Variants in NBEA observed in about 807,000 individuals in gnomAD.
The protein encoded by NBEA is lysosomal-trafficking regulator 2.
In NBEA, 44 loss-of-function variants were observed where a neutral mutation model predicts 343.4. The ratio of observed to expected loss-of-function variants is 0.13; its 90% confidence interval spans 0.10 to 0.16. NBEA has a LOEUF of 0.16. NBEA is among the 10% of genes least tolerant of loss of function. The probability of loss-of-function intolerance (pLI) is 1.00; values close to 1 mark genes in which losing one functional copy is unlikely to be tolerated. For synonymous variants in NBEA, 1,175 were observed against 1,238.7 expected, an observed-to-expected ratio of 0.95 and a Z score of 1.08; for missense variants, 2,555 against 3,631.3, an observed-to-expected ratio of 0.70 and a Z score of 7.62.
chr13:35,466,665 C>T (rs1053228195), intron 40 of NBEA, among the ~76,000 whole-genome samples: 2 of 152,036 alleles, frequency 1.3e-5, no homozygotes, highest in African/African-American at 4.8e-5. Flanking sequence ...GATGAGATCT[C>T]GCTATATTGC....
chr13:34,951,511 T>C (rs1052022492), intron 1 of NBEA, among the ~76,000 whole-genome samples: 1 of 152,234 alleles, frequency 6.6e-6, no homozygotes, highest in African/African-American at 2.4e-5. Context: ...TGATCTGTCC[T>C]ATTTTAGCTT....
chr13:35,052,858 C>A (rs1249281209), intron 6 of NBEA, among the ~76,000 whole-genome samples: 1 of 151,930 alleles, frequency 6.6e-6, no homozygotes, highest in African/African-American at 2.4e-5. Context: ...CAAAAGCAAA[C>A]CTTGATAAAC....
chr13:35,458,968 G>A (rs999896411), intron 40 of NBEA, among the ~76,000 whole-genome samples: 5 of 143,580 alleles, frequency 3.5e-5, no homozygotes, highest in Admixed American at 2.2e-4. Flanking sequence ...TTTAATTTGG[G>A]TTTTTCATAA....
At chr13:34,994,001 C>T (rs2060849728) in intron 1 of NBEA, among the ~76,000 whole-genome samples, 1 of 151,714 alleles carries the variant, frequency 6.6e-6, no homozygotes, top group Non-Finnish European at 1.5e-5. Context: ...AGCTCAAGAC[C>T]AGACTAGCCA....
At chr13:35,433,235 T>C (rs1371797388) in intron 39 of NBEA, among the ~76,000 whole-genome samples, 1 of 152,138 alleles carries the variant, frequency 6.6e-6, no homozygotes, top group Non-Finnish European at 1.5e-5. Context: ...TGCCCATTTT[T>C]AAATGCTGTA....
chr13:35,417,066 T>G (rs1299142288), intron 38 of NBEA, among the ~76,000 whole-genome samples: 1 of 152,204 alleles, frequency 6.6e-6, no homozygotes, highest in Non-Finnish European at 1.5e-5. Context: ...TGTATTTCTG[T>G]GGAAACGGTG....
intron 40 of NBEA, among the ~76,000 whole-genome samples, chr13:35,467,711 C>G (rs1183833103): frequency 6.6e-6 from 1 of 152,046 alleles, no homozygotes; most frequent in African/African-American, 2.4e-5. Context: ...AATAATTCTA[C>G]TAAGATTAGT....
At chr13:35,481,920 G>A (rs889909728) in intron 41 of NBEA, among the ~76,000 whole-genome samples, 3 of 151,668 alleles carry the variant, frequency 2.0e-5, no homozygotes, top group Non-Finnish European at 1.5e-5. Flanking sequence ...AATCAGAATC[G>A]ATTAGTGTCT....
At chr13:35,081,647 CTT>C (rs1158589046) in intron 10 of NBEA, among the ~76,000 whole-genome samples, 2 of 151,738 alleles carry the variant, frequency 1.3e-5, no homozygotes, top group African/African-American at 4.8e-5. Context: ...GTTTGCATAA[CTT>C]TTTATTTTTT....
At chr13:35,330,017 G>T (rs1357490908) in intron 36 of NBEA, among the ~76,000 whole-genome samples, 1 of 151,908 alleles carries the variant, frequency 6.6e-6, no homozygotes, top group East Asian at 1.9e-4. Context: ...GTAAATTATT[G>T]TTCAGTAGAT....
intron 39 of NBEA, among the ~76,000 whole-genome samples, chr13:35,449,506 A>G (rs2046198950): frequency 6.6e-6 from 1 of 152,262 alleles, no homozygotes; most frequent in Non-Finnish European, 1.5e-5. Context: ...GGCAAAGTCC[A>G]GAAATATAGC....
intron 10 of NBEA, among the ~76,000 whole-genome samples, chr13:35,073,417 C>G (rs2063962659): frequency 1.3e-5 from 2 of 152,090 alleles, no homozygotes; most frequent in South Asian, 4.1e-4. Context: ...GCAATACTGT[C>G]TAATTTTTAA....
chr13:35,471,998 CT>C (rs1419816147), intron 40 of NBEA, among the ~76,000 whole-genome samples: 3 of 152,132 alleles, frequency 2.0e-5, no homozygotes, highest in Admixed American at 6.5e-5. Context: ...AGTGGAACGG[CT>C]TCGCGCGATG....
chr13:35,507,711 T>G (rs2077124421), intron 41 of NBEA, among the ~76,000 whole-genome samples: 1 of 152,162 alleles, frequency 6.6e-6, no homozygotes, highest in Non-Finnish European at 1.5e-5. Context: ...ATATCCAGAA[T>G]TTAACTTGTC....
chr13:35,415,374 A>G (rs910113347), intron 38 of NBEA, among the ~76,000 whole-genome samples: 4 of 152,264 alleles, frequency 2.6e-5, no homozygotes, highest in Non-Finnish European at 5.9e-5. Flanking sequence ...TAGGTCTAAC[A>G]TTTAAGTCTT....
At chr13:35,489,876 G>T (rs1483711853) in intron 41 of NBEA, among the ~76,000 whole-genome samples, 1 of 151,824 alleles carries the variant, frequency 6.6e-6, no homozygotes. Context: ...GTTTCCCAAG[G>T]AAATCTGAAG....
intron 30 of NBEA, among the ~76,000 whole-genome samples, chr13:35,187,608 CT>C (rs1221365779): frequency 6.6e-6 from 1 of 151,854 alleles, no homozygotes; most frequent in Non-Finnish European, 1.5e-5. Context: ...TCTGACTTGA[CT>C]CAATTACAAT....
chr13:35,172,905 A>G (rs1333851115), intron 26 of NBEA, among the ~76,000 whole-genome samples: 1 of 152,092 alleles, frequency 6.6e-6, no homozygotes, highest in African/African-American at 2.4e-5. Flanking sequence ...AAATAAATGA[A>G]TAAATAAAAA....
At chr13:35,017,885 T>G (rs2061708385) in intron 1 of NBEA, among the ~76,000 whole-genome samples, 2 of 152,138 alleles carry the variant, frequency 1.3e-5, no homozygotes, top group Admixed American at 1.3e-4. Flanking sequence ...TCTTAGAGGT[T>G]TTGCAGATTT....
Sources: gnomAD v4.1 joint callset for allele counts (sites outside exome capture counted in the v4.1 genomes callset) on GRCh38, gnomAD v4.1.1 for gene constraint, MANE v1.5 for transcripts, NCBI Gene and HGNC (gene_info 2026-07-23, HGNC 2026-07-21) for gene names.